The following SOBP variants were observed in gnomAD, a reference collection of about 807,000 sequenced individuals.
SOBP encodes the protein sine oculis-binding protein homolog.
In SOBP, 4 loss-of-function variants were observed where a neutral mutation model predicts 53.6. That is an observed-to-expected ratio of 0.07 (90% CI 0.04 to 0.17). The LOEUF is 0.17. Among genes scored for constraint, SOBP ranks in the 10% least tolerant of loss-of-function variants. The pLI is 1.00. For missense variants in SOBP, 1,088 were observed against 1,204.7 expected (o/e 0.90, Z 1.43); for synonymous variants, 584 against 522.6 (o/e 1.12, Z -1.60).
At chr6:107,501,932 GTGAC>G (rs1168572346) in intron 1 of SOBP, among the ~76,000 whole-genome samples, 1 of 152,210 alleles carries the variant, frequency 6.6e-6, no homozygotes, top group Non-Finnish European at 1.5e-5. Flanking sequence ...AAAGCTTGAT[GTGAC>G]TGACTGTTGG....
intron 6 of SOBP, chr6:107,636,168 G>T (rs1771032381): frequency 6.3e-6 from 1 of 158,674 alleles, no homozygotes; most frequent in Admixed American, 5.9e-5. Flanking sequence ...GACCAGCTTT[G>T]CTCTCTCCCC....
chr6:107,596,676 G>C (rs1168610712), intron 5 of SOBP, among the ~76,000 whole-genome samples: 1 of 152,090 alleles, frequency 6.6e-6, no homozygotes, highest in Non-Finnish European at 1.5e-5. Context: ...GTTCTATTTT[G>C]GATTGCATGT....
intron 5 of SOBP, among the ~76,000 whole-genome samples, chr6:107,613,412 T>C (rs376004731): frequency 1.3e-5 from 2 of 152,218 alleles, no homozygotes. Flanking sequence ...TTATTAAAAA[T>C]ACATAGCCAT....
chr6:107,495,964 G>A (rs1782688932), intron 1 of SOBP, among the ~76,000 whole-genome samples: 1 of 151,994 alleles, frequency 6.6e-6, no homozygotes, highest in Non-Finnish European at 1.5e-5. Context: ...GTTCCTGAAG[G>A]AGAGGGGATA....
At chr6:107,542,007 C>T (rs1254912734) in intron 4 of SOBP, among the ~76,000 whole-genome samples, 1 of 151,764 alleles carries the variant, frequency 6.6e-6, no homozygotes, top group East Asian at 1.9e-4. Flanking sequence ...CGGCACTAAG[C>T]ATGTTTTAGT....
intron 4 of SOBP, among the ~76,000 whole-genome samples, chr6:107,546,305 T>C (rs182229064): frequency 6.6e-6 from 1 of 152,328 alleles, no homozygotes; most frequent in Non-Finnish European, 1.5e-5. Flanking sequence ...TTTATAAGGA[T>C]TTTTTGCAAC....
At chr6:107,533,662 C>T (rs773556334) in intron 4 of SOBP, 52 bp downstream of exon 4, 168 of 1,608,582 alleles carry the variant, frequency 1.0e-4, no homozygotes, top group Middle Eastern at 6.7e-4. Flanking sequence ...CCAGCCCACA[C>T]GCGCATGTGC....
intron 4 of SOBP, among the ~76,000 whole-genome samples, chr6:107,581,276 C>T (rs890021020): frequency 2.0e-5 from 3 of 152,082 alleles, no homozygotes; most frequent in Admixed American, 6.5e-5. Context: ...GCAGTCTGAA[C>T]GAAGGCTTAA....
chr6:107,503,641 T>C lies in SOBP; in HGVS notation c.97-16T>C. ...TTGATTATAGAAATAAGTAGTAGCCTATGCTTCTCTTTCAGAACTTTGCAG... is the reference window on the plus strand; with the variant it reads ...TTGATTATAGAAATAAGTAGTAGCCCATGCTTCTCTTTCAGAACTTTGCAG... On this transcript the variant is annotated splice_polypyrimidine_tract_variant and intron_variant, in intron 1 of 6. Transcript: ENST00000317357. 6.2e-7 allele frequency: 1 copy of C among 1,613,854 alleles called. No individual in the cohort carries two copies. The highest frequency in any genetic ancestry group is 8.5e-7 in the Non-Finnish European group (1 of 1,179,744).
chr6:107,619,744 T>C (rs1009794735), intron 5 of SOBP, among the ~76,000 whole-genome samples: 1 of 152,056 alleles, frequency 6.6e-6, no homozygotes, highest in Non-Finnish European at 1.5e-5. Flanking sequence ...GTAAACTTTA[T>C]GCTTTTGCAC....
At chr6:107,601,449 C>G (rs942259370) in intron 5 of SOBP, among the ~76,000 whole-genome samples, 19 of 152,328 alleles carry the variant, frequency 1.2e-4, no homozygotes, top group African/African-American at 4.1e-4. Context: ...TGTAGCAAGA[C>G]ATTAGGTTTA....
At position 107,551,728 on chromosome 6, in the gene SOBP, T is replaced by A. The variant is rs148470791; in HGVS notation, c.573+18118T>A. On this transcript the variant is annotated intron_variant, in intron 4 of 6. Transcript: ENST00000317357. ...TTTCTGTTTTATTTCATTTAAAAAA[T>A]TGTTGATTGGGGCTGGGCGCAGTGG... is the stretch of plus-strand genomic sequence containing the variant. Among the ~76,000 whole-genome samples the A allele has an allele frequency of 1.7e-3, 257 of 152,338 alleles. 1 individual carries two copies. Among genetic ancestry groups the A allele is most frequent in the African/African-American group, 6.0e-3 (248 of 41,582 alleles).
chr6:107,516,057 A>T (rs1239499708), intron 3 of SOBP, among the ~76,000 whole-genome samples: 7 of 152,232 alleles, frequency 4.6e-5, no homozygotes, highest in Non-Finnish European at 2.9e-5. Flanking sequence ...GAGGAATAGA[A>T]TAGAACTTCC....
chr6:107,518,522 G>A (rs1036051641), intron 3 of SOBP, among the ~76,000 whole-genome samples: 4 of 152,034 alleles, frequency 2.6e-5, no homozygotes, highest in East Asian at 3.8e-4. Flanking sequence ...TCTATCTTAG[G>A]TATGTGCTCA....
At chr6:107,611,738 G>A (rs1583271602) in intron 5 of SOBP, among the ~76,000 whole-genome samples, 1 of 152,304 alleles carries the variant, frequency 6.6e-6, no homozygotes, top group South Asian at 2.1e-4. Flanking sequence ...CCTCTGTAGA[G>A]AAAATGTCCA....
At chr6:107,629,907 C>A (rs956351012) in intron 5 of SOBP, among the ~76,000 whole-genome samples, 9 of 152,200 alleles carry the variant, frequency 5.9e-5, no homozygotes, top group Admixed American at 4.6e-4. Flanking sequence ...GAATGGAATA[C>A]GCATTTGTTT....
At chr6:107,579,295 T>C (rs1412340161) in intron 4 of SOBP, among the ~76,000 whole-genome samples, 1 of 152,078 alleles carries the variant, frequency 6.6e-6, no homozygotes, top group Non-Finnish European at 1.5e-5. Flanking sequence ...AGAAGGGGGC[T>C]GCATGCTCCT....
At chr6:107,554,934 G>A (rs1784566216) in intron 4 of SOBP, among the ~76,000 whole-genome samples, 2 of 152,194 alleles carry the variant, frequency 1.3e-5, no homozygotes, top group Non-Finnish European at 2.9e-5. Context: ...CCTTGTTCAA[G>A]TACAGCAGCA....
At chr6:107,490,830 C>A in intron 1 of SOBP, 118 bp downstream of exon 1, 1 of 762,392 alleles carries the variant, frequency 1.3e-6, no homozygotes, top group Non-Finnish European at 2.3e-6. Flanking sequence ...GTAGGATGCC[C>A]AGAACGGCTC....
Sources: allele counts gnomAD v4.1 joint callset (sites outside exome capture counted in the v4.1 genomes callset), GRCh38; gene constraint gnomAD v4.1.1; transcripts MANE v1.5; gene names NCBI Gene and HGNC (gene_info 2026-07-23, HGNC 2026-07-21).